The following SUSD4 variants were observed in gnomAD, a reference collection of about 807,000 sequenced individuals.
SUSD4 encodes the protein sushi domain containing 4.
SUSD4 carries 41 observed loss-of-function variants against 50.5 expected under a neutral mutation model. The observed-to-expected ratio is 0.81, with a 90% CI of 0.63 to 1.05. The LOEUF (loss-of-function observed/expected upper bound fraction) is 1.05. SUSD4 is among the 50% of genes least tolerant of loss of function. The pLI is 0.00. For synonymous variants in SUSD4, 257 were observed against 257.3 expected (o/e 1.00, Z 0.01); for missense variants, 580 against 634.7 (o/e 0.91, Z 0.93).
At chr1:223,314,913 T>A (rs142983611) in intron 2 of SUSD4, among the ~76,000 whole-genome samples, 141 of 152,270 alleles carry the variant, frequency 9.3e-4, no homozygotes, top group African/African-American at 2.8e-3. Context: ...TCTGATGAGA[T>A]CTCTATCTGC....
rs1408752379 is a variant in SUSD4, at chr1:223,332,708, C to A, written c.148+30570G>T. ...CAGGCATCTCCTCGGACAAGCCTCTCCTTCAGGGCGTGTGTCACAGGGAAA... is the reference window on the plus strand; with the variant it reads ...CAGGCATCTCCTCGGACAAGCCTCTACTTCAGGGCGTGTGTCACAGGGAAA... On this transcript the variant is annotated intron_variant, in intron 2 of 8. Transcript: ENST00000366878. This position sits in a 1 kb window ranked among gnomAD's most constrained non-coding sequence, Gnocchi z 4.0. 6.6e-6 allele frequency among the ~76,000 whole-genome samples: 1 copy of A among 152,136 alleles called. No homozygotes were observed. The highest frequency in any genetic ancestry group is 1.5e-5 in the Non-Finnish European group (1 of 68,028).
At chr1:223,352,233 A>G (rs1668408218) in intron 2 of SUSD4, among the ~76,000 whole-genome samples, 1 of 152,202 alleles carries the variant, frequency 6.6e-6, no homozygotes, top group Admixed American at 6.5e-5. Flanking sequence ...TCCCAGCTTT[A>G]GATAATCTGT....
At chr1:223,363,207 G>C (rs1669097537) in intron 2 of SUSD4, 71 bp downstream of exon 2, 2 of 1,424,710 alleles carry the variant, frequency 1.4e-6, no homozygotes, top group African/African-American at 2.8e-5. Context: ...GTGCAGGGCT[G>C]TCCTGGCAGC....
intron 5 of SUSD4, among the ~76,000 whole-genome samples, chr1:223,256,309 G>C (rs968440645): frequency 2.0e-5 from 3 of 152,290 alleles, no homozygotes; most frequent in Admixed American, 2.0e-4. Flanking sequence ...TAGGAGTCAG[G>C]TCAGGGCTGG....
chr1:223,223,617 C>G lies in SUSD4; in HGVS notation c.1076G>C (p.Ser359Thr), dbSNP rs1172986681. ...CACAAAGTCAGGGTCACTGCTGGAA[C>G]TCCGGGGAGGCCCCCTGTGTAAAGG... is the stretch of plus-strand genomic sequence containing the variant. The part of the protein sequence containing the change: ...AHFPPRGPPR[S>T]SSSDPDFVVV... Residue 359 changes from serine to threonine, a missense_variant, in exon 8 of 9, where the codon AGT becomes ACT. Physicochemically the swap from Ser to Thr is moderately conservative, Grantham distance 58. Coordinates refer to ENST00000366878, the MANE Select transcript of SUSD4 (RefSeq NM_017982.4). The G allele has an allele frequency of 1.9e-6, 3 of 1,606,178 alleles. No individual in the cohort carries two copies. The highest frequency in any genetic ancestry group is 1.7e-4 in the Middle Eastern group (1 of 6,056).
At chr1:223,245,909 TTGTTG>T (rs536639682) in intron 5 of SUSD4, among the ~76,000 whole-genome samples, 3 of 152,292 alleles carry the variant, frequency 2.0e-5, no homozygotes, top group Admixed American at 2.0e-4. Context: ...TGCTAGGTTT[TTGTTG>T]GGTTTATTTG....
At chr1:223,224,154 T>C (rs996977841) in intron 7 of SUSD4, among the ~76,000 whole-genome samples, 3 of 152,104 alleles carry the variant, frequency 2.0e-5, no homozygotes, top group African/African-American at 7.2e-5. Flanking sequence ...CTGGGCAACA[T>C]AGTGAAACCC....
intron 5 of SUSD4, among the ~76,000 whole-genome samples, chr1:223,248,668 G>A (rs1661101379): frequency 6.6e-6 from 1 of 152,196 alleles, no homozygotes; most frequent in Non-Finnish European, 1.5e-5. Context: ...GCTTGTTTGT[G>A]AGCAGGATGG....
At chr1:223,234,003 T>C (rs1026291424) in intron 5 of SUSD4, among the ~76,000 whole-genome samples, 34 of 152,216 alleles carry the variant, frequency 2.2e-4, no homozygotes, top group Non-Finnish European at 4.3e-4. Context: ...CCTTGTTTCA[T>C]GACAGAGGGT....
In SUSD4 at chr1:223,231,857, C is replaced by T. The variant is rs547122081; in HGVS notation, c.725-2469G>A. On this transcript the variant is annotated intron_variant, in intron 5 of 8. Transcript: ENST00000366878. The surrounding 1 kb of genome is among the most constrained non-coding windows in gnomAD (Gnocchi z 4.2). ...TGGAGCATTCCCCAGCGCTGTTGTA[C>T]GCTCAGGAGGCCGGCATCTTCTCTG... Among the ~76,000 whole-genome samples the T allele has an allele frequency of 7.2e-5, 11 of 152,322 alleles. No individual in the cohort carries two copies. Among genetic ancestry groups the T allele is most frequent in the East Asian group, 5.8e-4 (3 of 5,172 alleles).
At chr1:223,334,834 C>T (rs542759854) in intron 2 of SUSD4, among the ~76,000 whole-genome samples, 3 of 152,112 alleles carry the variant, frequency 2.0e-5, no homozygotes, top group African/African-American at 7.2e-5. Context: ...GTCTTTTATC[C>T]CTCACCCCCT....
intron 3 of SUSD4, among the ~76,000 whole-genome samples, chr1:223,287,056 G>C (rs756332298): frequency 6.6e-6 from 1 of 152,190 alleles, no homozygotes; most frequent in Non-Finnish European, 1.5e-5. Context: ...GGATGGGCTC[G>C]ACTTACAGAG....
intron 3 of SUSD4, among the ~76,000 whole-genome samples, chr1:223,291,335 A>G (rs1190743460): frequency 6.6e-6 from 1 of 152,014 alleles, no homozygotes; most frequent in African/African-American, 2.4e-5. Flanking sequence ...TCTACAAAAA[A>G]TACAAAAATT....
intron 2 of SUSD4, among the ~76,000 whole-genome samples, chr1:223,317,099 T>C (rs1209838108): frequency 6.6e-6 from 1 of 152,180 alleles, no homozygotes; most frequent in Non-Finnish European, 1.5e-5. Flanking sequence ...GGTTAAGGCA[T>C]TGTAAGCCAC....
At chr1:223,294,567 G>A (rs932796355) in intron 2 of SUSD4, among the ~76,000 whole-genome samples, 12 of 152,202 alleles carry the variant, frequency 7.9e-5, no homozygotes, top group African/African-American at 2.9e-4. Flanking sequence ...CTGGCAGGAT[G>A]TCCAGAAGTC....
chr1:223,294,550 C>A (rs573344187), intron 2 of SUSD4, among the ~76,000 whole-genome samples: 9 of 152,292 alleles, frequency 5.9e-5, no homozygotes, highest in African/African-American at 2.2e-4. Flanking sequence ...GCACAGGAGG[C>A]ATGGCACTGG....
intron 3 of SUSD4, among the ~76,000 whole-genome samples, chr1:223,270,853 G>A (rs902159083): frequency 2.0e-5 from 3 of 152,018 alleles, no homozygotes; most frequent in Non-Finnish European, 2.9e-5. Flanking sequence ...AAGCCACCAC[G>A]CCCAGCCTGA....
In SUSD4 at chr1:223,363,282, C is replaced by G. The variant is rs773626082; in HGVS notation, c.144G>C (p.Thr48=). The G allele has an allele frequency of 1.9e-6, 3 of 1,597,278 alleles. No individual in the cohort carries two copies. The African/African-American group carries it at 4.0e-5, about 21-fold the overall frequency. Reference sequence around the variant, plus strand: ...CACCACAGCTGGGTCACTCACCGCCCGTGAGCTGTGCAGGGCCGAAGCACA... The same window carrying G: ...CACCACAGCTGGGTCACTCACCGCCGGTGAGCTGTGCAGGGCCGAAGCACA... The part of the protein sequence containing the change: ...LALCFGPAQL[T]GGFDDLQVCA... Residue 48 remains threonine, a synonymous_variant, in exon 2 of 9, where the codon ACG becomes ACC. Transcript: ENST00000366878.
chr1:223,318,656 CTTT>C (rs374828448), intron 2 of SUSD4, among the ~76,000 whole-genome samples: 24,545 of 149,082 alleles, frequency 0.16, 1,426 homozygotes, highest in Non-Finnish European at 0.23. Context: ...TAAATGTCTT[CTTT>C]TGAGAAGTGT....
Sources: allele counts gnomAD v4.1 joint callset (sites outside exome capture counted in the v4.1 genomes callset), GRCh38; gene constraint gnomAD v4.1.1; non-coding constraint Gnocchi (gnomAD v3.1); transcripts MANE v1.5; gene names NCBI Gene and HGNC (gene_info 2026-07-23, HGNC 2026-07-21).